SLCO3A1: variants seen among roughly 807,000 people sequenced by gnomAD.
SLCO3A1 encodes PGE1 transporter.
A neutral mutation model predicts 63.1 loss-of-function variants in SLCO3A1; 27 were observed. That is an observed-to-expected ratio of 0.43 (90% CI 0.32 to 0.59). The LOEUF is 0.59. Ranked by LOEUF, SLCO3A1 falls within the 20% of genes least tolerant of loss-of-function variation. SLCO3A1 has a pLI of 0.09. For missense variants in SLCO3A1, 773 were observed against 945.8 expected (o/e 0.82, Z 2.40); for synonymous variants, 473 against 409.9 (o/e 1.15, Z -1.86).
At position 92,165,555 on chromosome 15, in the gene SLCO3A1, T is replaced by A. The variant is rs184717069; in HGVS notation, c.*2420T>A. The A allele has an allele frequency of 1.0e-6, 1 of 984,702 alleles. No homozygotes were observed. The highest frequency in any genetic ancestry group is 6.1e-5 in the Admixed American group (1 of 16,290). 61.0% of individuals were successfully genotyped at this position (984,702 alleles called of 1,614,324 possible). ...TCTTTGCATTTTGGATTTTTTTTCC[T>A]AAGATTTTAGGATGAATGTGAAAAA... On this transcript the variant is annotated 3_prime_UTR_variant, in exon 10 of 10. Transcript: ENST00000318445.
In SLCO3A1 at chr15:92,033,274, C is replaced by T. The variant is rs1263569642; in HGVS notation, c.647-61607C>T. On this transcript the variant is annotated intron_variant, in intron 2 of 9. Transcript: ENST00000318445. The surrounding 1 kb of genome is among the most constrained non-coding windows in gnomAD (Gnocchi z 4.5). ...GATTTCTGAGCATATTGTTCCAGCA[C>T]CTGCAAGTGTGGAAATGGACACGGA... Among the ~76,000 whole-genome samples, 1 of 152,204 alleles carries T rather than the reference C, an allele frequency of 6.6e-6. No homozygotes were observed. The highest frequency in any genetic ancestry group is 2.4e-5 in the African/African-American group (1 of 41,444).
chr15:92,152,610 G>A (rs761026573), intron 9 of SLCO3A1, among the ~76,000 whole-genome samples: 4 of 152,224 alleles, frequency 2.6e-5, no homozygotes, highest in Non-Finnish European at 5.9e-5. Flanking sequence ...ATCAGTGGGA[G>A]GGTGCAGTCT....
At position 91,894,460 on chromosome 15, in the gene SLCO3A1, G is replaced by A. The variant is rs1185808425; in HGVS notation, c.181-21533G>A. 6.6e-6 allele frequency among the ~76,000 whole-genome samples: 1 copy of A among 152,154 alleles called. No homozygotes were observed. Among genetic ancestry groups the A allele is most frequent in the Non-Finnish European group, 1.5e-5 (1 of 68,024 alleles). On this transcript the variant is annotated intron_variant, in intron 1 of 9. Transcript: ENST00000318445. The surrounding 1 kb of genome is among the most constrained non-coding windows in gnomAD (Gnocchi z 4.8). ...AGGGGTTGATGGTCGCCAGGTCATA[G>A]GTGGTAGCAGTGGAGACAGAGGAGT...
chr15:91,972,201 T>G (rs1211761564), intron 2 of SLCO3A1, among the ~76,000 whole-genome samples: 2 of 152,134 alleles, frequency 1.3e-5, no homozygotes, highest in Non-Finnish European at 2.9e-5. Flanking sequence ...TGGAGAAGTC[T>G]CCATTAAGAG....
chr15:91,974,978 G>A (rs935059717), intron 2 of SLCO3A1, among the ~76,000 whole-genome samples: 2 of 152,160 alleles, frequency 1.3e-5, no homozygotes, highest in Admixed American at 6.5e-5. Context: ...TGTGCAGTCT[G>A]GGGTAGTTAA....
intron 4 of SLCO3A1, among the ~76,000 whole-genome samples, chr15:92,118,753 A>G (rs2047825954): frequency 6.6e-6 from 1 of 152,004 alleles, no homozygotes; most frequent in South Asian, 2.1e-4. Flanking sequence ...GTGGTGTAGT[A>G]CCTCCTTCCT....
chr15:91,959,546 A>G (rs1289881058), intron 2 of SLCO3A1, among the ~76,000 whole-genome samples: 2 of 151,960 alleles, frequency 1.3e-5, no homozygotes, highest in Admixed American at 6.6e-5. Flanking sequence ...CCTGGCCAGC[A>G]TGGTGAAACC....
intron 2 of SLCO3A1, among the ~76,000 whole-genome samples, chr15:92,054,787 C>A (rs1367468705): frequency 1.3e-5 from 2 of 152,100 alleles, no homozygotes; most frequent in Non-Finnish European, 2.9e-5. Context: ...GATCTTGTTC[C>A]TTTTTATGGC....
At position 91,856,277 on chromosome 15, in the gene SLCO3A1, G is replaced by A. The variant is rs1896918279; in HGVS notation, c.180+2189G>A. ...GCAGAAAGCAGCTGGAGGCCCAGGAGAGGACAGGCCTAGGAAATTGAATTC... is the reference window on the plus strand; with the variant it reads ...GCAGAAAGCAGCTGGAGGCCCAGGAAAGGACAGGCCTAGGAAATTGAATTC... On this transcript the variant is annotated intron_variant, in intron 1 of 9. Transcript: ENST00000318445. The surrounding 1 kb of genome is among the most constrained non-coding windows in gnomAD (Gnocchi z 4.9). 6.6e-6 allele frequency among the ~76,000 whole-genome samples: 1 copy of A among 152,140 alleles called. No individual in the cohort carries two copies. Among genetic ancestry groups the A allele is most frequent in the African/African-American group, 2.4e-5 (1 of 41,434 alleles).
chr15:91,985,096 C>T (rs1270549492), intron 2 of SLCO3A1, among the ~76,000 whole-genome samples: 1 of 152,196 alleles, frequency 6.6e-6, no homozygotes, highest in Non-Finnish European at 1.5e-5. Flanking sequence ...CCAAAGCCCC[C>T]ATCGTGGCTC....
chr15:91,915,898 G>C (rs536544852), intron 1 of SLCO3A1, 95 bp from the exon 2 acceptor site: 61 of 1,042,914 alleles, frequency 5.8e-5, no homozygotes, highest in East Asian at 5.1e-4. Context: ...GGAGGGTCCC[G>C]GGGGGGATGG....
chr15:92,038,014 C>A (rs1443476203), intron 2 of SLCO3A1, among the ~76,000 whole-genome samples: 2 of 152,194 alleles, frequency 1.3e-5, no homozygotes, highest in African/African-American at 4.8e-5. Flanking sequence ...GCCTCCTGTG[C>A]TCCTTACTAA....
At chr15:92,131,987 A>C (rs8039722) in intron 7 of SLCO3A1, among the ~76,000 whole-genome samples, 54,442 of 144,526 alleles carry the variant, frequency 0.38, 14,662 homozygotes, top group African/African-American at 0.44. Context: ...CTGTTATGGA[A>C]CCTTGCATTC....
Position 92,071,683 on chromosome 15 carries a change from C to T in SLCO3A1, c.647-23198C>T, listed in dbSNP as rs548909988. 7.2e-5 allele frequency among the ~76,000 whole-genome samples: 11 copies of T among 152,220 alleles called. No homozygotes were observed. In the South Asian group the frequency reaches 1.0e-3, roughly 14 times the overall value. ...CAGAGCAGCAGAGTCTGGGGTGGGCCGTGGCCTCTCCTCTGGCCCCAGTTC... is the reference window on the plus strand; with the variant it reads ...CAGAGCAGCAGAGTCTGGGGTGGGCTGTGGCCTCTCCTCTGGCCCCAGTTC... On this transcript the variant is annotated intron_variant, in intron 2 of 9. Transcript: ENST00000318445.
intron 2 of SLCO3A1, among the ~76,000 whole-genome samples, chr15:92,035,140 C>A (rs1404108015): frequency 6.6e-6 from 1 of 151,840 alleles, no homozygotes; most frequent in African/African-American, 2.4e-5. Context: ...AGGGCTCTTT[C>A]TCCCATACCG....
At position 91,912,466 on chromosome 15, in the gene SLCO3A1, G is replaced by C. The variant is rs1465338425; in HGVS notation, c.181-3527G>C. Among the ~76,000 whole-genome samples, 1 of 152,210 alleles carries C rather than the reference G, an allele frequency of 6.6e-6. No individual in the cohort carries two copies. The highest frequency in any genetic ancestry group is 1.9e-4 in the East Asian group (1 of 5,190). On this transcript the variant is annotated intron_variant, in intron 1 of 9. Coordinates refer to ENST00000318445, the MANE Select transcript of SLCO3A1 (RefSeq NM_013272.4). The surrounding 1 kb of genome is among the most constrained non-coding windows in gnomAD (Gnocchi z 5.0). ...AGAGCAGGTGGGAGCCAGGACAAGA[G>C]CTGCAGGCACGGGCGTTATCTGTCT...
intron 1 of SLCO3A1, among the ~76,000 whole-genome samples, chr15:91,896,790 T>G (rs1349137086): frequency 3.3e-5 from 5 of 152,208 alleles, no homozygotes; most frequent in Non-Finnish European, 7.3e-5. Context: ...AGGTGCTTTT[T>G]CTGGAGGGAC....
At chr15:91,918,158 G>A (rs1264670393) in intron 2 of SLCO3A1, among the ~76,000 whole-genome samples, 1 of 152,246 alleles carries the variant, frequency 6.6e-6, no homozygotes. Flanking sequence ...GTTTGAATGT[G>A]CCAAAAGCTT....
chr15:92,064,992 T>A, intron 2 of SLCO3A1, among the ~76,000 whole-genome samples: 1 of 152,340 alleles, frequency 6.6e-6, no homozygotes, highest in Middle Eastern at 3.4e-3. Context: ...ATTATATTTT[T>A]AAAAATAGCT....
Sources: allele counts gnomAD v4.1 joint callset (sites outside exome capture counted in the v4.1 genomes callset), GRCh38; gene constraint gnomAD v4.1.1; non-coding constraint Gnocchi (gnomAD v3.1); transcripts MANE v1.5; gene names NCBI Gene and HGNC (gene_info 2026-07-23, HGNC 2026-07-21).